Variants in WWC2 observed in about 807,000 individuals in gnomAD.
WWC2 encodes the protein protein WWC2.
A neutral mutation model predicts 138.5 loss-of-function variants in WWC2; 101 were observed. That is an observed-to-expected ratio of 0.73 (90% CI 0.62 to 0.86). The LOEUF (loss-of-function observed/expected upper bound fraction) is 0.86. Ranked by LOEUF, WWC2 falls within the 40% of genes least tolerant of loss-of-function variation. The pLI, the probability that WWC2 is intolerant of heterozygous loss-of-function variation, is 0.00. For synonymous variants in WWC2, 558 were observed against 538.4 expected (o/e 1.04, Z -0.50); for missense variants, 1,420 against 1,419.4 (o/e 1.00, Z -0.01).
intron 1 of WWC2, among the ~76,000 whole-genome samples, chr4:183,109,258 T>C (rs1175199057): frequency 2.0e-5 from 3 of 152,350 alleles, no homozygotes; most frequent in African/African-American, 7.2e-5. Flanking sequence ...TCACAAAGCC[T>C]GGAATGTTTA....
intron 17 of WWC2, chr4:183,281,181 T>C (rs1183089380): frequency 6.8e-6 from 3 of 443,488 alleles, no homozygotes; most frequent in African/African-American, 6.1e-5. Flanking sequence ...AAACTTGATT[T>C]TGAAAGGTAT....
chr4:183,164,588 G>A lies in WWC2; in HGVS notation c.132-29011G>A, dbSNP rs182808752. Among the ~76,000 whole-genome samples the A allele has an allele frequency of 3.7e-3, 564 of 151,966 alleles. 3 individuals carry two copies. The highest frequency in any genetic ancestry group is 0.013 in the African/African-American group (529 of 41,406). The stretch of plus-strand genomic sequence containing the variant: ...TCTTTAGACAGTTCACACTGTTGGA[G>A]AAAAACCCTGTGATATGAATGGCTT... On this transcript the variant is annotated intron_variant, in intron 1 of 22. Transcript: ENST00000403733.
Position 183,159,780 on chromosome 4 carries a change from C to T in WWC2, c.132-33819C>T, listed in dbSNP as rs1733908768. Reference sequence around the variant, plus strand: ...ATTAATTTTGTGGAGTAATGTATTTCAAAGCAAAAATTTATAACTCCTTTT... The same window carrying T: ...ATTAATTTTGTGGAGTAATGTATTTTAAAGCAAAAATTTATAACTCCTTTT... On this transcript the variant is annotated intron_variant, in intron 1 of 22. Transcript: ENST00000403733. Among the ~76,000 whole-genome samples the T allele has an allele frequency of 4.7e-5, 7 of 149,086 alleles. No homozygotes were observed. The South Asian group carries it at 1.3e-3, about 27-fold the overall frequency.
intron 21 of WWC2, among the ~76,000 whole-genome samples, chr4:183,306,190 A>C (rs912101756): frequency 6.6e-6 from 1 of 152,248 alleles, no homozygotes; most frequent in Non-Finnish European, 1.5e-5. Context: ...AAGCCACAAA[A>C]GGCAGTGAAA....
At chr4:183,309,960 G>A (rs760050530) in intron 21 of WWC2, among the ~76,000 whole-genome samples, 28 of 152,282 alleles carry the variant, frequency 1.8e-4, no homozygotes, top group Admixed American at 3.9e-4. Flanking sequence ...GAAAGATGCC[G>A]TTCTAAACAG....
chr4:183,253,995 G>A lies in WWC2; in HGVS notation c.1192G>A (p.Glu398Lys), dbSNP rs751858058. ...VRGTPSRALAERLRLEERRKE... is the reference protein window; with the variant it reads ...VRGTPSRALAKRLRLEERRKE... ...GGGAACACCAAGCAGAGCTCTGGCC[G>A]AGAGGTTTGTTTTCCTTCTGGAAAT... The change falls in exon 9 of 23, where the codon GAG becomes AAG. Residue 398 changes from glutamate (E) to lysine (K), a missense_variant. Glu to Lys is a moderately conservative substitution (Grantham distance 56, BLOSUM62 1). Transcript: ENST00000403733. 2.2e-5 allele frequency: 35 copies of A among 1,611,776 alleles called. No homozygotes were observed. Among genetic ancestry groups the A allele is most frequent in the Middle Eastern group, 1.7e-4 (1 of 6,048 alleles).
intron 13 of WWC2, 27 bp downstream of exon 13, chr4:183,265,795 A>G (rs1186311369): frequency 1.2e-6 from 2 of 1,609,412 alleles, no homozygotes; most frequent in African/African-American, 2.7e-5. Context: ...GGAAAGGAGC[A>G]GTTCTGACAT....
intron 4 of WWC2, among the ~76,000 whole-genome samples, chr4:183,216,996 GA>G (rs1441172126): frequency 1.3e-5 from 2 of 152,180 alleles, no homozygotes; most frequent in Admixed American, 6.5e-5. Context: ...ATAGAACCTT[GA>G]ACAGAAACAT....
intron 2 of WWC2, among the ~76,000 whole-genome samples, chr4:183,194,856 G>C (rs931081505): frequency 6.6e-6 from 1 of 152,194 alleles, no homozygotes; most frequent in Non-Finnish European, 1.5e-5. Context: ...CATGTATACT[G>C]TACATTATTA....
At chr4:183,302,237 T>C (rs540191260) in intron 21 of WWC2, among the ~76,000 whole-genome samples, 29 of 152,354 alleles carry the variant, frequency 1.9e-4, no homozygotes, top group African/African-American at 7.0e-4. Context: ...TCAAAGATCT[T>C]GTCTTTGTCG....
Position 183,315,807 on chromosome 4 carries a change from T to C in WWC2, c.*78T>C. 1 of 1,277,526 alleles carries C rather than the reference T, an allele frequency of 7.8e-7. No homozygotes were observed. Among genetic ancestry groups the C allele is most frequent in the African/African-American group, 1.5e-5 (1 of 66,764 alleles). The allele number at this position is 1,277,526 out of a possible 1,614,324, so 79.1% of individuals were successfully genotyped here. A position where few individuals can be genotyped will look rare whatever the true frequency, so the allele number is the denominator to read the frequency against. Reference sequence around the variant, plus strand: ...AAAAGACTGAAGATTTGTGTTTTTGTTTTGGTGTTTGGTTTTTTTTGGTAA... The same window carrying C: ...AAAAGACTGAAGATTTGTGTTTTTGCTTTGGTGTTTGGTTTTTTTTGGTAA... On this transcript the variant is annotated 3_prime_UTR_variant, in exon 23 of 23. Coordinates refer to ENST00000403733, the MANE Select transcript of WWC2 (RefSeq NM_024949.6).
chr4:183,167,218 A>G (rs920929085), intron 1 of WWC2, among the ~76,000 whole-genome samples: 1 of 152,200 alleles, frequency 6.6e-6, no homozygotes, highest in Non-Finnish European at 1.5e-5. Context: ...AATTTTATAT[A>G]CTGGAGTTAG....
rs143154809 is a variant in WWC2 at position 183,193,950 on chromosome 4, G to A, written c.241+242G>A. Among the ~76,000 whole-genome samples, 791 of 152,234 alleles carry A rather than the reference G, an allele frequency of 5.2e-3. 5 individuals carry two copies. The highest frequency in any genetic ancestry group is 0.018 in the African/African-American group (762 of 41,534). On this transcript the variant is annotated intron_variant, in intron 2 of 22. Transcript: ENST00000403733. ...TGCCTGCCTGCCTGCCTGCCTGCTG[G>A]GGAATGAGGATTCTCCTTCAGCACA... is the stretch of plus-strand genomic sequence containing the variant.
At chr4:183,214,997 A>G (rs145236507) in intron 4 of WWC2, among the ~76,000 whole-genome samples, 2 of 152,258 alleles carry the variant, frequency 1.3e-5, no homozygotes, top group African/African-American at 4.8e-5. Context: ...TTCTTAGGAT[A>G]TTTGGAAATG....
At chr4:183,125,423 A>G (rs1056149103) in intron 1 of WWC2, among the ~76,000 whole-genome samples, 1 of 152,242 alleles carries the variant, frequency 6.6e-6, no homozygotes, top group African/African-American at 2.4e-5. Context: ...AATGAATGTT[A>G]AAAAGTTTTC....
At chr4:183,138,835 T>TTAAGAAGGACTA in intron 1 of WWC2, among the ~76,000 whole-genome samples, 1 of 152,212 alleles carries the variant, frequency 6.6e-6, no homozygotes, top group Non-Finnish European at 1.5e-5. Flanking sequence ...GCAGGATTGT[T>TTAAGAAGGACTA]GGTCTGGCAT....
intron 2 of WWC2, chr4:183,203,635 A>T (rs1455619608): frequency 6.6e-6 from 1 of 152,156 alleles, no homozygotes; most frequent in South Asian, 2.1e-4. Context: ...TTAAAATCTA[A>T]GAGTACTGTT....
At chr4:183,268,843 A>T (rs1737596379) in intron 14 of WWC2, 128 bp from the exon 15 acceptor site, 1 of 1,054,522 alleles carries the variant, frequency 9.5e-7, no homozygotes, top group South Asian at 1.5e-5. Context: ...GATGGCAGCA[A>T]CACTTTAGAT....
intron 8 of WWC2, among the ~76,000 whole-genome samples, 184 bp from the exon 9 acceptor site, chr4:183,253,571 CCA>C (rs1270915010): frequency 6.6e-6 from 1 of 151,994 alleles, no homozygotes; most frequent in Non-Finnish European, 1.5e-5. Context: ...AGAGACAGGC[CCA>C]GAGACTGGTG....
Sources: gnomAD v4.1 joint callset for allele counts (sites outside exome capture counted in the v4.1 genomes callset) on GRCh38, gnomAD v4.1.1 for gene constraint, MANE v1.5 for transcripts, NCBI Gene and HGNC (gene_info 2026-07-23, HGNC 2026-07-21) for gene names.